RGS6: variants seen among roughly 807,000 people sequenced by gnomAD.
The protein encoded by RGS6 is regulator of G-protein signaling 6.
Under a neutral mutation model 78.5 loss-of-function variants are expected in RGS6, and 30 were observed. That is an observed-to-expected ratio of 0.38 (90% CI 0.29 to 0.52). The LOEUF (loss-of-function observed/expected upper bound fraction) is 0.52. RGS6 is among the 20% of genes least tolerant of loss of function. The pLI, the probability that RGS6 is intolerant of heterozygous loss-of-function variation, is 0.85. For synonymous variants in RGS6, 206 were observed against 206.0 expected, an observed-to-expected ratio of 1.00 and a Z score of 0.00; for missense variants, 495 against 609.7, an observed-to-expected ratio of 0.81 and a Z score of 1.98.
chr14:72,089,202 A>G (rs2095174310), intron 2 of RGS6, among the ~76,000 whole-genome samples: 1 of 152,268 alleles, frequency 6.6e-6, no homozygotes, highest in Admixed American at 6.5e-5. Context: ...CATTCAGGGA[A>G]TAAAAGCACA....
chr14:71,998,565 A>G (rs2082809227), intron 2 of RGS6, among the ~76,000 whole-genome samples: 1 of 152,196 alleles, frequency 6.6e-6, no homozygotes, highest in Non-Finnish European at 1.5e-5. Flanking sequence ...GCTGGACACT[A>G]CTGTATTAAG....
the RGS6 span, among the ~76,000 whole-genome samples, chr14:71,878,399 C>A: frequency 6.6e-5 from 10 of 152,330 alleles, no homozygotes; most frequent in Admixed American, 4.6e-4. Context: ...CCTCCCCTAG[C>A]CTTGCTGCTG....
intron 2 of RGS6, among the ~76,000 whole-genome samples, chr14:72,028,673 G>A (rs746789074): frequency 2.6e-5 from 4 of 152,194 alleles, no homozygotes; most frequent in Non-Finnish European, 5.9e-5. Context: ...CTGCGTCTGT[G>A]CTCCGCTAGT....
chr14:72,379,508 A>G (rs1045729277), intron 3 of RGS6, among the ~76,000 whole-genome samples: 2 of 152,160 alleles, frequency 1.3e-5, no homozygotes, highest in Non-Finnish European at 1.5e-5. Flanking sequence ...CAACATACAA[A>G]GATCAGTAGT....
At chr14:72,125,306 G>T (rs1288430803) in intron 2 of RGS6, among the ~76,000 whole-genome samples, 1 of 152,170 alleles carries the variant, frequency 6.6e-6, no homozygotes, top group Non-Finnish European at 1.5e-5. Flanking sequence ...ATGCTCCACT[G>T]CCAGTTTGAG....
rs138985872 is a variant in RGS6 at position 72,468,756 on chromosome 14, T to C, written c.460-1251T>C. Among the ~76,000 whole-genome samples, 689 of 152,348 alleles carry C rather than the reference T, an allele frequency of 4.5e-3. 1 individual carries two copies. The highest frequency in any genetic ancestry group is 7.6e-3 in the Non-Finnish European group (519 of 68,038). On this transcript the variant is annotated intron_variant, in intron 7 of 17. Transcript: ENST00000553525. ...TGTTTAATGGCTGCCTAGAATTCTA[T>C]GCTATGACTGTGTCACAGTTGATTG...
At chr14:72,321,964 C>G (rs997926356) in intron 2 of RGS6, among the ~76,000 whole-genome samples, 3 of 151,936 alleles carry the variant, frequency 2.0e-5, no homozygotes, top group South Asian at 2.1e-4. Context: ...ATATTGTCCT[C>G]TAATCACTAT....
At chr14:72,110,403 G>T in intron 2 of RGS6, among the ~76,000 whole-genome samples, 1 of 152,206 alleles carries the variant, frequency 6.6e-6, no homozygotes, top group East Asian at 1.9e-4. Context: ...CATGGTCTGG[G>T]TGCCTCATTG....
At chr14:72,102,273 GT>G (rs999050507) in intron 2 of RGS6, among the ~76,000 whole-genome samples, 21 of 152,202 alleles carry the variant, frequency 1.4e-4, no homozygotes, top group Non-Finnish European at 2.5e-4. Flanking sequence ...TCCTATGTAT[GT>G]TTTTTTCTCG....
chr14:72,188,212 T>C (rs1567417540), intron 2 of RGS6, among the ~76,000 whole-genome samples: 1 of 152,192 alleles, frequency 6.6e-6, no homozygotes, highest in Admixed American at 6.5e-5. Flanking sequence ...GAATCAACAA[T>C]ATATACTCAA....
the RGS6 span, among the ~76,000 whole-genome samples, chr14:71,919,110 C>A: frequency 1.3e-5 from 2 of 152,086 alleles, no homozygotes; most frequent in African/African-American, 4.8e-5. Flanking sequence ...CACAGGGGCT[C>A]CGGAAACTCC....
At chr14:72,185,185 T>G (rs1424969914) in intron 2 of RGS6, among the ~76,000 whole-genome samples, 1 of 152,042 alleles carries the variant, frequency 6.6e-6, no homozygotes, top group East Asian at 1.9e-4. Context: ...TCTGCTTGCT[T>G]TATTCTGGCT....
the RGS6 span, among the ~76,000 whole-genome samples, chr14:72,600,408 C>T: frequency 1.3e-5 from 2 of 151,996 alleles, no homozygotes; most frequent in Non-Finnish European, 2.9e-5. Flanking sequence ...CTTCTCCTTC[C>T]ATTTGCCCAG....
chr14:72,004,999 A>G (rs2084238603), intron 2 of RGS6, among the ~76,000 whole-genome samples: 1 of 152,196 alleles, frequency 6.6e-6, no homozygotes, highest in Non-Finnish European at 1.5e-5. Context: ...AACAAATCTA[A>G]TTCTAGAAGT....
rs180982972 is a variant in RGS6 at position 72,459,211 on chromosome 14, G to A, written c.343-421G>A. 3.5e-3 allele frequency among the ~76,000 whole-genome samples: 539 copies of A among 152,198 alleles called. 2 individuals are homozygous for A. Among genetic ancestry groups the A allele is most frequent in the Non-Finnish European group, 4.7e-3 (321 of 68,008 alleles). The stretch of plus-strand genomic sequence containing the variant: ...CACACTCCTTCTCCCAGATCCTTCC[G>A]TAGAGGGAATGAGGGCAGAGGATAT... On this transcript the variant is annotated intron_variant, in intron 5 of 17. Transcript: ENST00000553525.
intron 2 of RGS6, among the ~76,000 whole-genome samples, chr14:72,222,200 C>T (rs937465251): frequency 6.6e-6 from 1 of 152,176 alleles, no homozygotes; most frequent in Non-Finnish European, 1.5e-5. Flanking sequence ...ACTCCACCCC[C>T]ACCTCCAAGA....
At chr14:72,548,844 T>TAA (rs1567108427) in intron 17 of RGS6, among the ~76,000 whole-genome samples, 1 of 152,176 alleles carries the variant, frequency 6.6e-6, no homozygotes, top group African/African-American at 2.4e-5. Context: ...AAAAATATTC[T>TAA]AACAATAACA....
chr14:71,954,705 C>G (rs1452966132), intron 1 of RGS6, among the ~76,000 whole-genome samples: 1 of 152,104 alleles, frequency 6.6e-6, no homozygotes, highest in African/African-American at 2.4e-5. Flanking sequence ...TGCTGATGAG[C>G]CCATGGAAAG....
intron 17 of RGS6, among the ~76,000 whole-genome samples, chr14:72,560,350 G>A (rs181231940): frequency 8.4e-4 from 128 of 152,346 alleles, no homozygotes; most frequent in African/African-American, 2.9e-3. Context: ...ACCGGGGGTA[G>A]GGGAGGTTTG....
Sources: allele counts gnomAD v4.1 joint callset (sites outside exome capture counted in the v4.1 genomes callset), GRCh38; gene constraint gnomAD v4.1.1; transcripts MANE v1.5; gene names NCBI Gene and HGNC (gene_info 2026-07-23, HGNC 2026-07-21).